The following L3MBTL4 variants were observed in gnomAD, a reference collection of about 807,000 sequenced individuals.
The protein encoded by L3MBTL4 is lethal(3)malignant brain tumor-like protein 4.
A neutral mutation model predicts 84.5 loss-of-function variants in L3MBTL4; 70 were observed. The ratio of observed to expected loss-of-function variants is 0.83; its 90% CI spans 0.68 to 1.01. The LOEUF (loss-of-function observed/expected upper bound fraction) is 1.01, where lower values mean the gene tolerates loss of function less well. Ranked by LOEUF, L3MBTL4 falls within the 50% of genes least tolerant of loss-of-function variation. L3MBTL4 has a pLI of 0.00. For synonymous variants in L3MBTL4, 274 were observed against 259.8 expected (o/e 1.05, Z -0.52); for missense variants, 715 against 754.8 (o/e 0.95, Z 0.62).
intron 17 of L3MBTL4, among the ~76,000 whole-genome samples, chr18:5,963,537 GAA>G (rs1179788429): frequency 6.6e-6 from 1 of 152,182 alleles, no homozygotes; most frequent in African/African-American, 2.4e-5. Flanking sequence ...ACACTCCTCT[GAA>G]AGGCTCTGCC....
chr18:6,109,303 T>C (rs1217415870), intron 14 of L3MBTL4, among the ~76,000 whole-genome samples: 1 of 152,198 alleles, frequency 6.6e-6, no homozygotes, highest in Admixed American at 6.5e-5. Flanking sequence ...CTTCTGATTT[T>C]ATTTTTTTAT....
At chr18:6,123,375 T>A (rs537091027) in intron 14 of L3MBTL4, among the ~76,000 whole-genome samples, 2 of 152,184 alleles carry the variant, frequency 1.3e-5, no homozygotes, top group African/African-American at 2.4e-5. Context: ...AATCCCCACG[T>A]ATCATGGGAG....
intron 14 of L3MBTL4, among the ~76,000 whole-genome samples, chr18:6,137,294 T>G (rs995800403): frequency 6.6e-6 from 1 of 152,204 alleles, no homozygotes; most frequent in Non-Finnish European, 1.5e-5. Context: ...TGTTAATAGA[T>G]TTACACATAT....
chr18:6,391,752 A>AACAACAACAACTACTACT (rs1555755552), intron 1 of L3MBTL4, among the ~76,000 whole-genome samples: 1 of 150,006 alleles, frequency 6.7e-6, no homozygotes, highest in African/African-American at 2.5e-5. Context: ...CAACAACAAC[A>AACAACAACAACTACTACT]ACTACTACTA....
chr18:6,408,654 C>G (rs2055835169), intron 1 of L3MBTL4, among the ~76,000 whole-genome samples: 1 of 151,916 alleles, frequency 6.6e-6, no homozygotes, highest in South Asian at 2.1e-4. Context: ...TAGACAAATA[C>G]CTATGTCCAG....
At chr18:6,404,058 G>C (rs113181921) in intron 1 of L3MBTL4, among the ~76,000 whole-genome samples, 3 of 151,790 alleles carry the variant, frequency 2.0e-5, no homozygotes, top group Non-Finnish European at 4.4e-5. Context: ...AGGACACAAA[G>C]GCATAAGAAT....
At chr18:6,034,968 G>A (rs1193256677) in intron 16 of L3MBTL4, among the ~76,000 whole-genome samples, 1 of 151,184 alleles carries the variant, frequency 6.6e-6, no homozygotes, top group East Asian at 1.9e-4. Context: ...GTCTGTTCAT[G>A]TCCTTTGCCC....
At chr18:6,098,521 C>T (rs367862871) in intron 14 of L3MBTL4, among the ~76,000 whole-genome samples, 22 of 152,198 alleles carry the variant, frequency 1.4e-4, no homozygotes, top group African/African-American at 5.1e-4. Context: ...AATAAATAAC[C>T]CAGAAGTCAG....
intron 1 of L3MBTL4, chr18:6,395,706 G>T (rs2055243882): frequency 6.6e-6 from 1 of 152,122 alleles, no homozygotes; most frequent in Non-Finnish European, 1.5e-5. Context: ...CTGCAAAAAT[G>T]GAGATGCAGC....
chr18:6,392,369 C>T (rs1337765906), intron 1 of L3MBTL4, among the ~76,000 whole-genome samples: 3 of 152,050 alleles, frequency 2.0e-5, no homozygotes, highest in Non-Finnish European at 4.4e-5. Flanking sequence ...GCCAACATGG[C>T]AAAGCTCCAT....
At chr18:6,341,945 A>G (rs1383796113) in intron 1 of L3MBTL4, among the ~76,000 whole-genome samples, 1 of 152,168 alleles carries the variant, frequency 6.6e-6, no homozygotes, top group Non-Finnish European at 1.5e-5. Flanking sequence ...GAATGAATTT[A>G]TCAGCAGAAA....
chr18:6,058,507 G>C (rs1244383924), intron 16 of L3MBTL4, among the ~76,000 whole-genome samples: 2 of 152,068 alleles, frequency 1.3e-5, no homozygotes, highest in Non-Finnish European at 2.9e-5. Context: ...CAAGTCCACG[G>C]TACCCATAAT....
At chr18:6,175,335 C>CA (rs1319074522) in intron 12 of L3MBTL4, among the ~76,000 whole-genome samples, 1 of 151,810 alleles carries the variant, frequency 6.6e-6, no homozygotes, top group East Asian at 1.9e-4. Context: ...TCAATTCCTA[C>CA]AAAAAATATC....
chr18:6,121,893 T>C (rs1312013651), intron 14 of L3MBTL4, among the ~76,000 whole-genome samples: 1 of 152,222 alleles, frequency 6.6e-6, no homozygotes, highest in Non-Finnish European at 1.5e-5. Flanking sequence ...TTAGGATCAA[T>C]TTCCCTTTCT....
At chr18:6,260,684 C>A (rs2048360823) in intron 5 of L3MBTL4, 1 of 152,154 alleles carries the variant, frequency 6.6e-6, no homozygotes, top group South Asian at 2.1e-4. Flanking sequence ...AGCCTTTTGG[C>A]AGAATCTTTA....
intron 4 of L3MBTL4, among the ~76,000 whole-genome samples, chr18:6,277,166 T>G: frequency 6.8e-6 from 1 of 147,104 alleles, no homozygotes. Context: ...AGGGATAGTA[T>G]TGGGAGATAT....
intron 16 of L3MBTL4, among the ~76,000 whole-genome samples, chr18:6,067,668 T>C (rs940163353): frequency 2.0e-4 from 30 of 152,162 alleles, no homozygotes; most frequent in Non-Finnish European, 8.8e-5. Flanking sequence ...TCAATCTCTC[T>C]GGAAAATTTT....
At chr18:6,226,065 G>T (rs1197634114) in intron 10 of L3MBTL4, among the ~76,000 whole-genome samples, 1 of 152,122 alleles carries the variant, frequency 6.6e-6, no homozygotes, top group Non-Finnish European at 1.5e-5. Context: ...TGAAAATGGT[G>T]AACATAAAGG....
chr18:6,380,225 G>A (rs1045443915), intron 1 of L3MBTL4, among the ~76,000 whole-genome samples: 2 of 151,760 alleles, frequency 1.3e-5, no homozygotes, highest in Admixed American at 6.6e-5. Flanking sequence ...TTATTAGTCT[G>A]GCTAGCAGTC....
Sources: gnomAD v4.1 joint callset for allele counts (sites outside exome capture counted in the v4.1 genomes callset) on GRCh38, gnomAD v4.1.1 for gene constraint, MANE v1.5 for transcripts, NCBI Gene and HGNC (gene_info 2026-07-23, HGNC 2026-07-21) for gene names.